The following DMBX1 variants were observed in gnomAD, a reference collection of about 807,000 sequenced individuals.
DMBX1 encodes the protein diencephalon/mesencephalon homeobox 1, also known as diencephalon/mesencephalon homeobox protein 1.
A neutral mutation model predicts 30.4 loss-of-function variants in DMBX1; 7 were observed. That is an observed-to-expected ratio of 0.23 (90% confidence interval 0.13 to 0.43). The LOEUF is 0.43. Among genes scored for constraint, DMBX1 ranks in the 20% least tolerant of loss-of-function variants. The pLI, the probability that DMBX1 is intolerant of heterozygous loss-of-function variation, is 1.00. For synonymous variants in DMBX1, 222 were observed against 214.2 expected (o/e 1.04, Z -0.32); for missense variants, 460 against 508.5 (o/e 0.90, Z 0.92).
At chr1:46,506,936 G>T in intron 2 of DMBX1, 63 bp from the exon 3 acceptor site, 1 of 1,571,022 alleles carries the variant, frequency 6.4e-7, no homozygotes, top group Non-Finnish European at 8.7e-7. Flanking sequence ...CTGGGGGTGG[G>T]TCTCCCTGAG....
chr1:46,494,731 C>T (rs967372144), intron 2 of DMBX1, among the ~76,000 whole-genome samples: 30 of 152,208 alleles, frequency 2.0e-4, no homozygotes, highest in African/African-American at 7.2e-4. Flanking sequence ...CTGACCCTTG[C>T]AAAGCCACAT....
rs182596743 is a variant in DMBX1, at chr1:46,509,576, C to T, written c.155-900C>T. Among the ~76,000 whole-genome samples the T allele has an allele frequency of 8.5e-5, 13 of 152,232 alleles. No homozygotes were observed. In the East Asian group the frequency reaches 2.5e-3, roughly 29 times the overall value. ...TCAAGTGAAAGGGCTGAAGGCTATA[C>T]CCCAGGATGGAGGCTAGACCTCGGC... On this transcript the variant is annotated intron_variant, in intron 3 of 5. Transcript: ENST00000360032.
At position 46,510,754 on chromosome 1, in the gene DMBX1, C is replaced by T; in HGVS notation, c.333+100C>T. 7.0e-7 allele frequency: 1 copy of T among 1,434,864 alleles called. No homozygotes were observed. 88.9% of individuals were successfully genotyped at this position (1,434,864 alleles called of 1,614,324 possible). A position where few individuals can be genotyped will look rare whatever the true frequency, so the allele number is the denominator to read the frequency against. On this transcript the variant is annotated intron_variant, in intron 4 of 5. Coordinates refer to ENST00000360032, the MANE Select transcript of DMBX1 (RefSeq NM_172225.2). The surrounding 1 kb of genome is among the most constrained non-coding windows in gnomAD (Gnocchi z 4.1). Reference sequence around the variant, plus strand: ...AGCATGTCATCCCTGTGCCAAGGTGCAACTGATCTCTCCATCAAAGCCTTC... The same window carrying T: ...AGCATGTCATCCCTGTGCCAAGGTGTAACTGATCTCTCCATCAAAGCCTTC...
chr1:46,490,196 G>T (rs1025564223), intron 1 of DMBX1, among the ~76,000 whole-genome samples: 3 of 152,152 alleles, frequency 2.0e-5, no homozygotes, highest in Non-Finnish European at 4.4e-5. Context: ...CAGAAAGAGC[G>T]CAGAACTCGA....
intron 2 of DMBX1, among the ~76,000 whole-genome samples, chr1:46,492,068 C>T (rs1308414560): frequency 6.6e-6 from 1 of 152,210 alleles, no homozygotes; most frequent in East Asian, 1.9e-4. Context: ...CCTACTCCTG[C>T]AAGGAGGCGG....
Position 46,510,875 on chromosome 1 carries a change from G to T in DMBX1, c.334-60G>T, listed in dbSNP as rs994671405. On this transcript the variant is annotated intron_variant, in intron 4 of 5. Coordinates refer to ENST00000360032, the MANE Select transcript of DMBX1 (RefSeq NM_172225.2). This position sits in a 1 kb window ranked among gnomAD's most constrained non-coding sequence, Gnocchi z 4.1. ...CGTACATCCTCTCCCAGAGCACCCT[G>T]CTCCACACCAACCCCACTTCTTTCT... 7.4e-6 allele frequency: 11 copies of T among 1,495,996 alleles called. No homozygotes were observed. The highest frequency in any genetic ancestry group is 9.9e-6 in the Non-Finnish European group (11 of 1,114,898). The allele number at this position is 1,495,996 out of a possible 1,614,324, so 92.7% of individuals were successfully genotyped here.
At position 46,491,543 on chromosome 1, in the gene DMBX1, T is replaced by C. The variant is rs1159682322; in HGVS notation, c.-13+760T>C. On this transcript the variant is annotated intron_variant, in intron 2 of 5. Coordinates refer to ENST00000360032, the MANE Select transcript of DMBX1 (RefSeq NM_172225.2). This position sits in a 1 kb window ranked among gnomAD's most constrained non-coding sequence, Gnocchi z 5.5. Reference sequence around the variant, plus strand: ...TGGACCTTGGAGGAAAGGGGCTGTCTGTACCGCAAGGGTTGTGTGCTCCAC... The same window carrying C: ...TGGACCTTGGAGGAAAGGGGCTGTCCGTACCGCAAGGGTTGTGTGCTCCAC... 6.6e-6 allele frequency among the ~76,000 whole-genome samples: 1 copy of C among 152,194 alleles called. No homozygotes were observed. Among genetic ancestry groups the C allele is most frequent in the Non-Finnish European group, 1.5e-5 (1 of 68,026 alleles).
chr1:46,495,826 G>T (rs1179670257), intron 2 of DMBX1, among the ~76,000 whole-genome samples: 1 of 152,330 alleles, frequency 6.6e-6, no homozygotes, highest in African/African-American at 2.4e-5. Flanking sequence ...GCTGGTGGAG[G>T]GACAACATTC....
chr1:46,510,865 A>G lies in DMBX1; in HGVS notation c.334-70A>G. 1 of 1,466,004 alleles carries G rather than the reference A, an allele frequency of 6.8e-7. No individual in the cohort carries two copies. Among genetic ancestry groups the G allele is most frequent in the East Asian group, 2.4e-5 (1 of 41,100 alleles). 90.8% of individuals were successfully genotyped at this position (1,466,004 alleles called of 1,614,324 possible). A position where few individuals can be genotyped will look rare whatever the true frequency, so the allele number is the denominator to read the frequency against. ...GATGTTATCACGTACATCCTCTCCC[A>G]GAGCACCCTGCTCCACACCAACCCC... On this transcript the variant is annotated intron_variant, in intron 4 of 5. Coordinates refer to ENST00000360032, the MANE Select transcript of DMBX1 (RefSeq NM_172225.2). This position sits in a 1 kb window ranked among gnomAD's most constrained non-coding sequence, Gnocchi z 4.1.
rs1303119839 is a variant in DMBX1, at chr1:46,512,467, C to T, written c.1107C>T (p.Ser369=). Residue 369 remains serine (S), a synonymous_variant, in exon 6 of 6, where the codon TCC becomes TCT. Coordinates refer to ENST00000360032, the MANE Select transcript of DMBX1 (RefSeq NM_172225.2). This position sits in a 1 kb window ranked among gnomAD's most constrained non-coding sequence, Gnocchi z 4.8. ...LRLRAKQHAA[S]LGLDTLPN is the part of the protein sequence containing the mutation. Reference sequence around the variant, plus strand: ...TCCGGGCCAAGCAGCACGCGGCCTCCCTGGGACTCGATACGCTGCCCAACT... The same window carrying T: ...TCCGGGCCAAGCAGCACGCGGCCTCTCTGGGACTCGATACGCTGCCCAACT... 4 of 1,612,474 alleles carry T rather than the reference C, an allele frequency of 2.5e-6. No individual in the cohort carries two copies. The highest frequency in any genetic ancestry group is 1.7e-5 in the Admixed American group (1 of 59,972).
intron 3 of DMBX1, among the ~76,000 whole-genome samples, chr1:46,508,054 A>G (rs1666274436): frequency 6.8e-6 from 1 of 146,624 alleles, no homozygotes; most frequent in Non-Finnish European, 1.5e-5. Context: ...GGTGGGTGAG[A>G]AAAGGATTCA....
chr1:46,507,848 C>T (rs1666271031), intron 3 of DMBX1, among the ~76,000 whole-genome samples: 1 of 152,142 alleles, frequency 6.6e-6, no homozygotes, highest in African/African-American at 2.4e-5. Flanking sequence ...GAGACAATGG[C>T]CATGCCCATC....
chr1:46,499,245 C>T (rs1666078882), intron 2 of DMBX1, among the ~76,000 whole-genome samples: 1 of 152,132 alleles, frequency 6.6e-6, no homozygotes, highest in Non-Finnish European at 1.5e-5. Flanking sequence ...CCTTGTTGGC[C>T]AGGCTGGTCT....
In DMBX1 at chr1:46,512,297, C is replaced by T; in HGVS notation, c.937C>T (p.Gln313Ter). ...GGCCCCGCTGGGCTCACTGCACTGC[C>T]AGTCCTACTACCAGTCCCTGTCAGC... ...NMAPLGSLHC[Q>*]SYYQSLSAAA... Residue 313 changes from glutamine (Q) to a stop codon, truncating the protein, a stop_gained, in exon 6 of 6, where the codon CAG becomes TAG. Transcript: ENST00000360032. LOFTEE classifies it high-confidence loss of function. The surrounding 1 kb of genome is among the most constrained non-coding windows in gnomAD (Gnocchi z 4.8). 1.2e-6 allele frequency: 2 copies of T among 1,613,558 alleles called. No individual in the cohort carries two copies. Among genetic ancestry groups the T allele is most frequent in the Non-Finnish European group, 1.7e-6 (2 of 1,179,900 alleles).
In DMBX1 at chr1:46,506,867, G is replaced by C. The variant is rs907030128; in HGVS notation, c.-12-132G>C. 5 of 986,774 alleles carry C rather than the reference G, an allele frequency of 5.1e-6. No individual in the cohort carries two copies. The African/African-American group carries it at 8.2e-5, about 16-fold the overall frequency. 61.1% of individuals were successfully genotyped at this position (986,774 alleles called of 1,614,324 possible). On this transcript the variant is annotated intron_variant, in intron 2 of 5. Transcript: ENST00000360032. Reference sequence around the variant, plus strand: ...ACACGGTAAGCCACGGGCAAGACAGGCTCCCTTCCGATGGAGGGAGCTTCT... The same window carrying C: ...ACACGGTAAGCCACGGGCAAGACAGCCTCCCTTCCGATGGAGGGAGCTTCT...
At chr1:46,511,929 A>G in intron 5 of DMBX1, 114 bp from the exon 6 acceptor site, 1 of 1,071,264 alleles carries the variant, frequency 9.3e-7, no homozygotes, top group South Asian at 1.5e-5. Flanking sequence ...ATGTGGTTTC[A>G]GCCGAAGCCT....
intron 1 of DMBX1, among the ~76,000 whole-genome samples, 79 bp downstream of exon 1, chr1:46,489,956 A>T (rs914270849): frequency 3.9e-5 from 6 of 152,060 alleles, no homozygotes; most frequent in Non-Finnish European, 8.8e-5. Context: ...GGCCGTGAGA[A>T]CCCGGGGACA....
chr1:46,490,340 G>A (rs1056891843), intron 1 of DMBX1, among the ~76,000 whole-genome samples: 1 of 152,102 alleles, frequency 6.6e-6, no homozygotes, highest in Non-Finnish European at 1.5e-5. Context: ...GCCTCATTTG[G>A]AAGATATTAC....
At chr1:46,505,352 A>G (rs1484046231) in intron 2 of DMBX1, among the ~76,000 whole-genome samples, 74 of 144,424 alleles carry the variant, frequency 5.1e-4, no homozygotes, top group African/African-American at 1.7e-3. Flanking sequence ...AACCAACCCA[A>G]ATGTCCAACA....
Sources: allele counts gnomAD v4.1 joint callset (sites outside exome capture counted in the v4.1 genomes callset), GRCh38; gene constraint gnomAD v4.1.1; non-coding constraint Gnocchi (gnomAD v3.1); transcripts MANE v1.5; gene names NCBI Gene and HGNC (gene_info 2026-07-23, HGNC 2026-07-21).